Variants in KCTD15 observed in about 807,000 individuals in gnomAD.
KCTD15 encodes potassium channel tetramerization domain containing 15.
In KCTD15, 11 loss-of-function variants were observed where a neutral mutation model predicts 27.2. That is an observed-to-expected ratio of 0.41 (90% CI 0.25 to 0.67). KCTD15 has a LOEUF of 0.67. KCTD15 is among the 30% of genes least tolerant of loss of function. The pLI, the probability that KCTD15 is intolerant of heterozygous loss-of-function variation, is 0.35. For missense variants in KCTD15, 350 were observed against 409.3 expected, an observed-to-expected ratio of 0.86 and a Z score of 1.25; for synonymous variants, 163 against 176.0, an observed-to-expected ratio of 0.93 and a Z score of 0.58.
intron 5 of KCTD15, among the ~76,000 whole-genome samples, chr19:33,807,550 C>T (rs757917730): frequency 6.6e-6 from 1 of 152,116 alleles, no homozygotes; most frequent in Non-Finnish European, 1.5e-5. Flanking sequence ...GGTGAAACAC[C>T]GTCTCTGCTA....
At chr19:33,804,552 TCTTA>T (rs1236527255) in intron 4 of KCTD15, among the ~76,000 whole-genome samples, 2 of 152,114 alleles carry the variant, frequency 1.3e-5, no homozygotes, top group Non-Finnish European at 2.9e-5. Flanking sequence ...TGGATGTAGC[TCTTA>T]CTTCCCACCG....
In KCTD15 at chr19:33,798,717, G is replaced by A. The variant is rs1364074014; in HGVS notation, c.-77G>A. Reference sequence around the variant, plus strand: ...GGTCCCGCACGGATGCGCTTGTTGGGAGAAACCTTGGAGATTCACGGCAAG... The same window carrying A: ...GGTCCCGCACGGATGCGCTTGTTGGAAGAAACCTTGGAGATTCACGGCAAG... On this transcript the variant is annotated 5_prime_UTR_variant, in exon 2 of 7. Coordinates refer to ENST00000683859, the MANE Select transcript of KCTD15 (RefSeq NM_001129994.2). 2 of 152,666 alleles carry A rather than the reference G, an allele frequency of 1.3e-5. No homozygotes were observed. The highest frequency in any genetic ancestry group is 2.4e-5 in the African/African-American group (1 of 41,452). 9.5% of individuals were successfully genotyped at this position (152,666 alleles called of 1,614,324 possible).
intron 4 of KCTD15, among the ~76,000 whole-genome samples, chr19:33,802,653 C>T (rs1239439281): frequency 6.6e-6 from 1 of 152,008 alleles, no homozygotes; most frequent in African/African-American, 2.4e-5. Context: ...GCCAGGTCAG[C>T]AGTGTTGGCC....
At position 33,813,106 on chromosome 19, in the gene KCTD15, C is replaced by A; in HGVS notation, c.*158C>A. 1.4e-6 allele frequency: 1 copy of A among 723,090 alleles called. No homozygotes were observed. Among genetic ancestry groups the A allele is most frequent in the Non-Finnish European group, 2.3e-6 (1 of 430,804 alleles). The allele number at this position is 723,090 out of a possible 1,614,324, so 44.8% of individuals were successfully genotyped here. On this transcript the variant is annotated 3_prime_UTR_variant, in exon 7 of 7. Transcript: ENST00000683859. ...ACCAGGGTCCCAGGTGTCATGGCAA[C>A]AGAACGTGGGATGCTGGAGGCATGC...
At position 33,815,200 on chromosome 19, in the gene KCTD15, AAAG is replaced by A. The variant is rs1307564565; in HGVS notation, c.*2256_*2258del. On this transcript the variant is annotated 3_prime_UTR_variant, in exon 7 of 7. Transcript: ENST00000683859. Reference sequence around the variant, plus strand: ...TGTGCTAAAAATAAAATTTATTAATAAAGAAGGGGAAAAAGGAGTAACTCTACC... The same window carrying A: ...TGTGCTAAAAATAAAATTTATTAATAAAGGGGAAAAAGGAGTAACTCTACC... The A allele has an allele frequency of 2.6e-5, 4 of 152,186 alleles. No individual in the cohort carries two copies. The highest frequency in any genetic ancestry group is 5.9e-5 in the Non-Finnish European group (4 of 68,022). The allele number at this position is 152,186 out of a possible 1,614,324, so 9.4% of individuals were successfully genotyped here. A position where few individuals can be genotyped will look rare whatever the true frequency, so the allele number is the denominator to read the frequency against.
chr19:33,801,956 G>A (rs1294174893), intron 4 of KCTD15, among the ~76,000 whole-genome samples: 3 of 152,182 alleles, frequency 2.0e-5, no homozygotes, highest in African/African-American at 7.2e-5. Flanking sequence ...CTCATCAGTG[G>A]ATAAAGGGTC....
rs1975486398 is a variant in KCTD15 at position 33,800,333 on chromosome 19, G to C, written c.-27-95G>C. On this transcript the variant is annotated intron_variant, in intron 2 of 6. Transcript: ENST00000683859. ...TGCATGGACCTCGCAGGGTCTCAGA[G>C]AGCATGCAGAAAGGACAATTCTAAG... The C allele has an allele frequency of 3.0e-6, 3 of 999,640 alleles. No homozygotes were observed. In the Admixed American group the frequency reaches 6.1e-5, roughly 20 times the overall value. The allele number at this position is 999,640 out of a possible 1,614,324, so 61.9% of individuals were successfully genotyped here. A position where few individuals can be genotyped will look rare whatever the true frequency, so the allele number is the denominator to read the frequency against.
At chr19:33,796,590 G>A (rs1230048029), upstream of KCTD15, 2 of 151,624 alleles carry the variant, frequency 1.3e-5, no homozygotes, top group Admixed American at 6.6e-5. Context: ...GCTGGCTAGG[G>A]GCTGGAGTGG....
At chr19:33,803,995 C>T (rs778125342) in intron 4 of KCTD15, among the ~76,000 whole-genome samples, 13 of 152,134 alleles carry the variant, frequency 8.5e-5, no homozygotes, top group Admixed American at 2.0e-4. Flanking sequence ...TGGAGGACTT[C>T]GGAAGCCGGC....
intron 3 of KCTD15, 28 bp from the exon 4 acceptor site, chr19:33,801,139 T>TTGTGTTCCGCTTTGTTTC: frequency 1.3e-6 from 2 of 1,563,180 alleles, no homozygotes; most frequent in Non-Finnish European, 1.7e-6. Flanking sequence ...TTTGAAACTC[T>TTGTGTTCCGCTTTGTTTC]TGTGTTCCGC....
chr19:33,800,298 CAG>C, intron 2 of KCTD15, 128 bp from the exon 3 acceptor site: 1 of 702,200 alleles, frequency 1.4e-6, no homozygotes. Flanking sequence ...TGGAGTCAAT[CAG>C]GGAGGGCTGC....
chr19:33,795,481 C>G (rs1245683565), upstream of KCTD15, among the ~76,000 whole-genome samples: 2 of 151,936 alleles, frequency 1.3e-5, no homozygotes, highest in African/African-American at 2.4e-5. Flanking sequence ...CGTCCAGGCC[C>G]GGCCGGAGCC....
At chr19:33,810,708 A>C (rs574134981) in intron 5 of KCTD15, among the ~76,000 whole-genome samples, 110 of 151,782 alleles carry the variant, frequency 7.2e-4, no homozygotes, top group East Asian at 3.9e-3. Context: ...CGAAAAAAAA[A>C]CCAAGAGGCT....
At position 33,813,383 on chromosome 19, in the gene KCTD15, G is replaced by C. The variant is rs978002857; in HGVS notation, c.*435G>C. ...TTCTACAGTATTTAAAATGGATGCA[G>C]CCCTAACTGCAAAAGTCAGAGAGGC... On this transcript the variant is annotated 3_prime_UTR_variant, in exon 7 of 7. Coordinates refer to ENST00000683859, the MANE Select transcript of KCTD15 (RefSeq NM_001129994.2). 1 of 463,744 alleles carries C rather than the reference G, an allele frequency of 2.2e-6. No individual in the cohort carries two copies. Among genetic ancestry groups the C allele is most frequent in the African/African-American group, 2.0e-5 (1 of 50,366 alleles). The allele number at this position is 463,744 out of a possible 1,614,324, so 28.7% of individuals were successfully genotyped here.
intron 2 of KCTD15, among the ~76,000 whole-genome samples, chr19:33,800,081 G>A (rs1975477103): frequency 6.6e-6 from 1 of 152,184 alleles, no homozygotes; most frequent in Admixed American, 6.5e-5. Context: ...AAAATACCAG[G>A]AAAATCTGGT....
At position 33,811,178 on chromosome 19, in the gene KCTD15, C is replaced by T. The variant is rs1156409847; in HGVS notation, c.388-69C>T. ...ATTGGTTGGAACCGGCAGGCCGCCT[C>T]CCCTCTCCCCCTTCCCCCACCACCC... On this transcript the variant is annotated intron_variant, in intron 5 of 6. Coordinates refer to ENST00000683859, the MANE Select transcript of KCTD15 (RefSeq NM_001129994.2). The T allele has an allele frequency of 1.0e-5, 6 of 590,244 alleles. 1 individual carries two copies. Among genetic ancestry groups the T allele is most frequent in the East Asian group, 4.3e-5 (1 of 23,298 alleles). 36.6% of individuals were successfully genotyped at this position (590,244 alleles called of 1,614,324 possible).
Position 33,812,823 on chromosome 19 carries a change from G to A in KCTD15, c.727G>A (p.Val243Met), listed in dbSNP as rs561424610. 2.1e-5 allele frequency: 31 copies of A among 1,509,618 alleles called. No homozygotes were observed. Among genetic ancestry groups the A allele is most frequent in the East Asian group, 1.5e-4 (6 of 39,732 alleles). The allele number at this position is 1,509,618 out of a possible 1,614,324, so 93.5% of individuals were successfully genotyped here. The change falls in exon 7 of 7, where the codon GTG becomes ATG. Residue 243 changes from valine to methionine, a missense_variant. Around this residue, in one of 3 missense-constraint regions of KCTD15, gnomAD observed 219 missense variants for 234.9 expected, o/e 0.93. Coordinates refer to ENST00000683859, the MANE Select transcript of KCTD15 (RefSeq NM_001129994.2). ...GCGGCTGTTCCAGAGGGGTTTCAGC[G>A]TGGCTGCGTCCTGTGGGGGCGGTGT... ...LERLFQRGFS[V>M]AASCGGGVDS...
chr19:33,807,490 G>A (rs1196139232), intron 5 of KCTD15, among the ~76,000 whole-genome samples: 2 of 152,260 alleles, frequency 1.3e-5, no homozygotes, highest in South Asian at 2.1e-4. Flanking sequence ...TTGGGAGGCC[G>A]AGGCGGGTGG....
chr19:33,805,919 G>A (rs1296134176), intron 4 of KCTD15, among the ~76,000 whole-genome samples: 1 of 152,224 alleles, frequency 6.6e-6, no homozygotes, highest in Non-Finnish European at 1.5e-5. Context: ...GGCATCAGGG[G>A]CTCCCCAAGA....
Sources: allele counts gnomAD v4.1 joint callset (sites outside exome capture counted in the v4.1 genomes callset), GRCh38; gene constraint gnomAD v4.1.1; regional missense constraint gnomAD v4.1.1; transcripts MANE v1.5; gene names NCBI Gene and HGNC (gene_info 2026-07-23, HGNC 2026-07-21).